DLG2: variants seen among roughly 807,000 people sequenced by gnomAD.
The protein encoded by DLG2 is discs large MAGUK scaffold protein 2.
DLG2 carries 45 observed loss-of-function variants against 132.5 expected under a neutral mutation model. That is an observed-to-expected ratio of 0.34 (90% confidence interval 0.27 to 0.44). The LOEUF is 0.44. Ranked by LOEUF, DLG2 falls within the 20% of genes least tolerant of loss-of-function variation. DLG2 has a pLI of 1.00. For missense variants in DLG2, 1,045 were observed against 1,196.9 expected, an observed-to-expected ratio of 0.87 and a Z score of 1.87; for synonymous variants, 424 against 419.6, an observed-to-expected ratio of 1.01 and a Z score of -0.13.
intron 18 of DLG2, among the ~76,000 whole-genome samples, chr11:83,710,999 G>A (rs1165298780): frequency 6.6e-6 from 1 of 152,060 alleles, no homozygotes; most frequent in Non-Finnish European, 1.5e-5. Context: ...TATTCTCACA[G>A]CCCCTTTGAC....
chr11:85,010,998 A>G (rs1054490140), intron 6 of DLG2, among the ~76,000 whole-genome samples: 1 of 152,194 alleles, frequency 6.6e-6, no homozygotes, highest in Non-Finnish European at 1.5e-5. Flanking sequence ...TTCAGACAAG[A>G]AAGAGATTCA....
chr11:85,525,156 CAG>C (rs528274839), intron 3 of DLG2: 111 of 152,146 alleles, frequency 7.3e-4, no homozygotes, highest in African/African-American at 2.6e-3. Flanking sequence ...ACCAAATTAA[CAG>C]AATAAAATTT....
intron 6 of DLG2, among the ~76,000 whole-genome samples, chr11:84,574,857 A>AT (rs2099495379): frequency 6.6e-6 from 1 of 152,132 alleles, no homozygotes; most frequent in South Asian, 2.1e-4. Flanking sequence ...AGACCTGGGC[A>AT]TTATCTGACT....
intron 6 of DLG2, among the ~76,000 whole-genome samples, chr11:85,055,502 T>A (rs1206206968): frequency 1.3e-5 from 2 of 152,166 alleles, no homozygotes; most frequent in African/African-American, 4.8e-5. Flanking sequence ...AGCAAGAGAC[T>A]GTGAAGCTGA....
At chr11:84,453,686 T>A (rs2154481800) in intron 7 of DLG2, among the ~76,000 whole-genome samples, 1 of 151,804 alleles carries the variant, frequency 6.6e-6, no homozygotes, top group African/African-American at 2.4e-5. Flanking sequence ...AACTCCTATT[T>A]TTGTTCCCAT....
At chr11:84,620,313 C>A (rs942901735) in intron 6 of DLG2, among the ~76,000 whole-genome samples, 10 of 151,744 alleles carry the variant, frequency 6.6e-5, no homozygotes, top group African/African-American at 2.4e-4. Flanking sequence ...CAACACCAGA[C>A]TCATTAAATA....
intron 4 of DLG2, among the ~76,000 whole-genome samples, chr11:85,217,345 C>CACACACACAG (rs1282666840): frequency 5.3e-5 from 8 of 151,568 alleles, no homozygotes; most frequent in Admixed American, 1.3e-4. Context: ...CACACACACA[C>CACACACACAG]AGAGTTTCAA....
chr11:83,512,371 C>G (rs142579566), intron 21 of DLG2, among the ~76,000 whole-genome samples: 36 of 152,282 alleles, frequency 2.4e-4, no homozygotes, highest in Non-Finnish European at 3.8e-4. Flanking sequence ...TAGTTACAAA[C>G]AGTAATTCTA....
chr11:83,510,827 TC>T (rs2094968611), intron 21 of DLG2, among the ~76,000 whole-genome samples: 1 of 117,650 alleles, frequency 8.5e-6, no homozygotes, highest in Non-Finnish European at 1.8e-5. Context: ...TTCTGAACCA[TC>T]CGTTTTTTTT....
intron 4 of DLG2, among the ~76,000 whole-genome samples, chr11:85,237,093 G>C (rs953138363): frequency 1.3e-5 from 2 of 152,030 alleles, no homozygotes; most frequent in African/African-American, 4.8e-5. Context: ...ACACTGCCCA[G>C]CCAGCACCTG....
intron 3 of DLG2, among the ~76,000 whole-genome samples, chr11:85,594,550 G>C (rs1477923078): frequency 6.6e-6 from 1 of 151,982 alleles, no homozygotes; most frequent in East Asian, 1.9e-4. Context: ...TTTTAGAAGG[G>C]GTTGAAATCT....
intron 21 of DLG2, among the ~76,000 whole-genome samples, chr11:83,529,724 G>GC (rs2095691142): frequency 1.3e-5 from 2 of 152,018 alleles, no homozygotes; most frequent in Non-Finnish European, 2.9e-5. Flanking sequence ...TGGTAATAAG[G>GC]CCCAAAGAAC....
At chr11:84,431,890 G>T (rs563569826) in intron 7 of DLG2, among the ~76,000 whole-genome samples, 1 of 151,956 alleles carries the variant, frequency 6.6e-6, no homozygotes, top group East Asian at 1.9e-4. Context: ...GGTTTCATTG[G>T]CAATCTTTTT....
intron 11 of DLG2, among the ~76,000 whole-genome samples, chr11:83,988,072 C>T (rs965937920): frequency 5.3e-5 from 8 of 152,020 alleles, no homozygotes; most frequent in Non-Finnish European, 8.8e-5. Context: ...AATTTTTCTC[C>T]CATTCTGTAG....
intron 6 of DLG2, among the ~76,000 whole-genome samples, chr11:84,727,061 A>C (rs2062567542): frequency 6.6e-6 from 1 of 152,158 alleles, no homozygotes; most frequent in Non-Finnish European, 1.5e-5. Context: ...GTTCACTCTG[A>C]TGATAGTTTC....
chr11:85,088,044 G>A (rs201211552), intron 6 of DLG2, among the ~76,000 whole-genome samples: 120 of 152,248 alleles, frequency 7.9e-4, no homozygotes, highest in African/African-American at 2.8e-3. Context: ...GTAAAATAAA[G>A]TGATCAAGTT....
At chr11:84,771,994 C>A (rs149505657) in intron 6 of DLG2, among the ~76,000 whole-genome samples, 34 of 152,088 alleles carry the variant, frequency 2.2e-4, no homozygotes, top group African/African-American at 7.9e-4. Flanking sequence ...AATAATATAC[C>A]ATCTGCAGTC....
At chr11:85,522,969 T>A (rs1461507244) in intron 3 of DLG2, among the ~76,000 whole-genome samples, 4 of 152,162 alleles carry the variant, frequency 2.6e-5, no homozygotes, top group Non-Finnish European at 5.9e-5. Context: ...AAGATTGTGT[T>A]TTGAAGTGTG....
intron 5 of DLG2, among the ~76,000 whole-genome samples, chr11:85,125,820 C>G (rs1357823165): frequency 6.6e-6 from 1 of 150,410 alleles, no homozygotes; most frequent in South Asian, 2.1e-4. Context: ...CACACACACA[C>G]ACACACACAC....
Sources: gnomAD v4.1 joint callset for allele counts (sites outside exome capture counted in the v4.1 genomes callset) on GRCh38, gnomAD v4.1.1 for gene constraint, MANE v1.5 for transcripts, NCBI Gene and HGNC (gene_info 2026-07-23, HGNC 2026-07-21) for gene names.